Variants in IL1RAPL2 observed in about 807,000 individuals in gnomAD.
IL1RAPL2 encodes X-linked interleukin-1 receptor accessory protein-like 2.
A neutral mutation model predicts 44.1 loss-of-function variants in IL1RAPL2; 3 were observed. That is an observed-to-expected ratio of 0.07 (90% CI 0.03 to 0.18). The LOEUF (loss-of-function observed/expected upper bound fraction) is 0.18, where lower values mean the gene tolerates loss of function less well. Among genes scored for constraint, IL1RAPL2 ranks in the 10% least tolerant of loss-of-function variants. IL1RAPL2 has a pLI of 1.00. For missense variants in IL1RAPL2, 391 were observed against 496.4 expected (o/e 0.79, Z 2.02); for synonymous variants, 181 against 178.8 (o/e 1.01, Z -0.10).
intron 5 of IL1RAPL2, among the ~76,000 whole-genome samples, chrX:105,342,045 A>T (rs1168713288): frequency 1.8e-5 from 2 of 108,925 alleles, no homozygotes; most frequent in Non-Finnish European, 3.8e-5. Flanking sequence ...CATTCTCGGT[A>T]AACTATCGCA....
At chrX:104,815,065 G>A (rs1165248521) in intron 2 of IL1RAPL2, among the ~76,000 whole-genome samples, 1 of 112,300 alleles carries the variant, frequency 8.9e-6, no homozygotes, top group Non-Finnish European at 1.9e-5. Flanking sequence ...GCCTGTGCTT[G>A]TATAACAAAG....
At chrX:105,592,293 A>C (rs1481640392) in intron 6 of IL1RAPL2, among the ~76,000 whole-genome samples, 1 of 111,873 alleles carries the variant, frequency 8.9e-6, no homozygotes, top group Non-Finnish European at 1.9e-5. Flanking sequence ...ATTTCTCTCC[A>C]TCCTTTTACT....
intron 2 of IL1RAPL2, among the ~76,000 whole-genome samples, chrX:105,012,674 C>CACACACACACACAG (rs1258556672): frequency 1.4e-4 from 11 of 81,278 alleles, no homozygotes; most frequent in African/African-American, 6.5e-4. Context: ...CACACACACA[C>CACACACACACACAG]AGAGAGAGAG....
intron 3 of IL1RAPL2, among the ~76,000 whole-genome samples, chrX:105,226,774 A>T (rs782725908): frequency 6.4e-5 from 7 of 109,232 alleles, no homozygotes; most frequent in Admixed American, 5.9e-4. Context: ...TTCTCATTCC[A>T]CGCATACCAA....
intron 4 of IL1RAPL2, among the ~76,000 whole-genome samples, chrX:105,248,191 A>G (rs2034238818): frequency 9.0e-6 from 1 of 111,486 alleles, no homozygotes; most frequent in Non-Finnish European, 1.9e-5. Context: ...TACATCCATG[A>G]CATACAAGAT....
At chrX:104,990,079 C>T (rs1161007599) in intron 2 of IL1RAPL2, among the ~76,000 whole-genome samples, 1 of 111,688 alleles carries the variant, frequency 9.0e-6, no homozygotes, top group East Asian at 2.8e-4. Flanking sequence ...CACAGTTGTT[C>T]TGTACTAGAT....
chrX:105,377,541 GA>G lies in IL1RAPL2; in HGVS notation c.698-106764del, dbSNP rs748878353. On this transcript the variant is annotated intron_variant, in intron 5 of 10. Coordinates refer to ENST00000372582, the MANE Select transcript of IL1RAPL2 (RefSeq NM_017416.2). The stretch of plus-strand genomic sequence containing the variant: ...TGGTATTTGAAAGTCATGCTAGTTA[GA>G]AAAAAAATCAGTAATTTTAATTCTG... Among the ~76,000 whole-genome samples, 78 of 110,563 alleles carry G rather than the reference GA, an allele frequency of 7.1e-4. 1 individual carries two copies. Among genetic ancestry groups the G allele is most frequent in the Non-Finnish European group, 4.7e-4 (25 of 52,725 alleles).
At chrX:105,730,242 A>G (rs1257211049) in intron 7 of IL1RAPL2, among the ~76,000 whole-genome samples, 1 of 111,188 alleles carries the variant, frequency 9.0e-6, no homozygotes, top group Non-Finnish European at 1.9e-5. Context: ...AACAGACTTT[A>G]AGTCAAAAAC....
chrX:104,893,930 G>A (rs752248018), intron 2 of IL1RAPL2, among the ~76,000 whole-genome samples: 27 of 111,899 alleles, frequency 2.4e-4, no homozygotes, highest in African/African-American at 8.1e-4. Context: ...GGTACCGGTT[G>A]TTCCTTTCCA....
intron 5 of IL1RAPL2, among the ~76,000 whole-genome samples, chrX:105,403,072 C>A (rs1233577149): frequency 4.5e-5 from 5 of 111,760 alleles, no homozygotes; most frequent in African/African-American, 1.6e-4. Flanking sequence ...TCATATTGAA[C>A]TGCATGATTT....
At position 105,002,802 on chromosome X, in the gene IL1RAPL2, G is replaced by A. The variant is rs750009630; in HGVS notation, c.83-192673G>A. Among the ~76,000 whole-genome samples the A allele has an allele frequency of 1.2e-4, 13 of 110,402 alleles. No individual in the cohort carries two copies. In the East Asian group the frequency reaches 3.7e-3, roughly 32 times the overall value. ...TAGAGTATTCTTAAGGAGTAAAAAT[G>A]GCTTAAAGAAAATTGATCTGTGACG... On this transcript the variant is annotated intron_variant, in intron 2 of 10. Transcript: ENST00000372582.
At chrX:104,677,527 G>A (rs993029853) in intron 2 of IL1RAPL2, among the ~76,000 whole-genome samples, 5 of 111,863 alleles carry the variant, frequency 4.5e-5, no homozygotes, top group African/African-American at 1.6e-4. Flanking sequence ...ATTTAAGTCT[G>A]CAGAGGTTAC....
At chrX:105,669,254 C>G (rs1353091824) in intron 6 of IL1RAPL2, among the ~76,000 whole-genome samples, 1 of 111,670 alleles carries the variant, frequency 9.0e-6, no homozygotes, top group South Asian at 3.8e-4. Context: ...AAAGATTTCC[C>G]ATGTTGATTA....
intron 5 of IL1RAPL2, among the ~76,000 whole-genome samples, chrX:105,335,621 C>T (rs2035022683): frequency 9.0e-6 from 1 of 111,282 alleles, no homozygotes; most frequent in East Asian, 2.8e-4. Flanking sequence ...GGCATAGACA[C>T]ATACATATGA....
At chrX:105,436,957 A>G (rs751215627) in intron 5 of IL1RAPL2, among the ~76,000 whole-genome samples, 19 of 108,009 alleles carry the variant, frequency 1.8e-4, no homozygotes, top group Non-Finnish European at 3.6e-4. Context: ...TAACTTCTTA[A>G]TAAATCATTT....
chrX:105,292,359 C>T (rs1434767973), intron 5 of IL1RAPL2, among the ~76,000 whole-genome samples: 1 of 112,371 alleles, frequency 8.9e-6, no homozygotes, highest in Non-Finnish European at 1.9e-5. Flanking sequence ...TCAGATTCCA[C>T]ACTTCAGCTA....
chrX:104,763,270 G>T (rs1464706041), intron 2 of IL1RAPL2, among the ~76,000 whole-genome samples: 4 of 111,873 alleles, frequency 3.6e-5, no homozygotes, highest in Non-Finnish European at 7.5e-5. Context: ...TCATCTCCAT[G>T]TGAGACCACC....
chrX:105,114,721 A>G (rs964086662), intron 2 of IL1RAPL2, among the ~76,000 whole-genome samples: 4 of 111,935 alleles, frequency 3.6e-5, no homozygotes, highest in Non-Finnish European at 5.6e-5. Context: ...CTGAAAACTC[A>G]TAAGTGAATG....
intron 1 of IL1RAPL2, among the ~76,000 whole-genome samples, chrX:104,597,680 G>T (rs76150218): frequency 1.8e-5 from 2 of 109,872 alleles, no homozygotes; most frequent in South Asian, 4.0e-4. Flanking sequence ...GCAGGTTTTT[G>T]GGGGAAGGTT....
Sources: gnomAD v4.1 joint callset for allele counts (sites outside exome capture counted in the v4.1 genomes callset) on GRCh38, gnomAD v4.1.1 for gene constraint, MANE v1.5 for transcripts, NCBI Gene and HGNC (gene_info 2026-07-23, HGNC 2026-07-21) for gene names.